Variants in RAD18 observed in about 807,000 individuals in gnomAD.
The protein encoded by RAD18 is E3 ubiquitin-protein ligase RAD18.
RAD18 carries 47 observed loss-of-function variants against 60.4 expected under a neutral mutation model. The ratio of observed to expected loss-of-function variants is 0.78; its 90% CI spans 0.62 to 0.99. The LOEUF (loss-of-function observed/expected upper bound fraction) is 0.99. RAD18 is among the 50% of genes least tolerant of loss of function. The pLI is 0.00. For synonymous variants in RAD18, 225 were observed against 195.5 expected (o/e 1.15, Z -1.26); for missense variants, 640 against 593.3 (o/e 1.08, Z -0.82).
chr3:8,961,055 G>C (rs529245443), intron 1 of RAD18, among the ~76,000 whole-genome samples: 2 of 152,162 alleles, frequency 1.3e-5, no homozygotes, highest in Non-Finnish European at 2.9e-5. Flanking sequence ...GCAGAGGCAG[G>C]CCCAGAAGCC....
At chr3:8,913,574 G>C (rs1319527506) in intron 8 of RAD18, 70 bp downstream of exon 8, 3 of 1,089,470 alleles carry the variant, frequency 2.8e-6, no homozygotes, top group Non-Finnish European at 3.8e-6. Context: ...ATAATGGCTT[G>C]CTTTAATTTT....
chr3:8,908,235 TC>T (rs1321253689), intron 9 of RAD18, among the ~76,000 whole-genome samples: 1 of 151,678 alleles, frequency 6.6e-6, no homozygotes, highest in African/African-American at 2.4e-5. Context: ...AAGAGGCTCT[TC>T]CCCCAGGCCC....
At chr3:8,939,399 G>A (rs1320703603) in intron 6 of RAD18, among the ~76,000 whole-genome samples, 155 bp downstream of exon 6, 3 of 152,148 alleles carry the variant, frequency 2.0e-5, no homozygotes, top group Non-Finnish European at 2.9e-5. Flanking sequence ...ACAGAGGAGA[G>A]GGATTGGAAG....
At chr3:8,932,201 ACT>A (rs1312290728) in intron 7 of RAD18, among the ~76,000 whole-genome samples, 1 of 152,180 alleles carries the variant, frequency 6.6e-6, no homozygotes. Flanking sequence ...CAAAATTAAA[ACT>A]CTCTGCTCTT....
intron 4 of RAD18, among the ~76,000 whole-genome samples, chr3:8,945,750 G>A (rs45552038): frequency 1.1e-4 from 17 of 152,018 alleles, no homozygotes; most frequent in African/African-American, 2.9e-4. Context: ...GATTACAGGC[G>A]TCAGCCACCA....
intron 9 of RAD18, among the ~76,000 whole-genome samples, chr3:8,903,843 A>T (rs1939956804): frequency 6.6e-6 from 1 of 152,202 alleles, no homozygotes; most frequent in Admixed American, 6.5e-5. Flanking sequence ...TCAACAATGT[A>T]CTTGTTATCA....
rs1364223999 is a variant in RAD18 at position 8,880,936 on chromosome 3, A to T, written c.*421T>A. 2 of 163,566 alleles carry T rather than the reference A, an allele frequency of 1.2e-5. No individual in the cohort carries two copies. Among genetic ancestry groups the T allele is most frequent in the African/African-American group, 4.8e-5 (2 of 41,500 alleles). The allele number at this position is 163,566 out of a possible 1,614,324, so 10.1% of individuals were successfully genotyped here. On this transcript the variant is annotated 3_prime_UTR_variant, in exon 13 of 13. Transcript: ENST00000264926. Reference sequence around the variant, plus strand: ...CCGCCTTTCCAAAAACAAACATTTAACTCAACTGTTTCTTGCAATAAAGAA... The same window carrying T: ...CCGCCTTTCCAAAAACAAACATTTATCTCAACTGTTTCTTGCAATAAAGAA...
At chr3:8,941,880 T>C in intron 4 of RAD18, 76 bp from the exon 5 acceptor site, 1 of 1,347,584 alleles carries the variant, frequency 7.4e-7, no homozygotes, top group Non-Finnish European at 1.0e-6. Flanking sequence ...TAAGCTGTTT[T>C]CCCAATTAAC....
chr3:8,949,630 G>C (rs1260316318), intron 2 of RAD18, among the ~76,000 whole-genome samples: 1 of 152,096 alleles, frequency 6.6e-6, no homozygotes, highest in Non-Finnish European at 1.5e-5. Flanking sequence ...CAGCAGAAAA[G>C]CAGGGTCACA....
chr3:8,920,477 TTA>T (rs2125058446), intron 7 of RAD18, among the ~76,000 whole-genome samples: 1 of 152,262 alleles, frequency 6.6e-6, no homozygotes, highest in Non-Finnish European at 1.5e-5. Context: ...GGGTGAAATC[TTA>T]ATGAGGTATA....
intron 1 of RAD18, among the ~76,000 whole-genome samples, chr3:8,962,518 T>A (rs370410410): frequency 6.6e-6 from 1 of 152,134 alleles, no homozygotes; most frequent in South Asian, 2.1e-4. Flanking sequence ...AATCCCCAAG[T>A]CTACAAAACT....
chr3:8,905,064 T>C (rs1219571698), intron 9 of RAD18, among the ~76,000 whole-genome samples: 1 of 152,206 alleles, frequency 6.6e-6, no homozygotes, highest in African/African-American at 2.4e-5. Context: ...ACTAGTAACA[T>C]TGTTCCCACT....
chr3:8,895,392 C>T (rs1939766389), intron 11 of RAD18, among the ~76,000 whole-genome samples: 1 of 152,166 alleles, frequency 6.6e-6, no homozygotes, highest in Non-Finnish European at 1.5e-5. Context: ...ACTTCACTTC[C>T]AACTTAGGAT....
At chr3:8,915,268 A>G (rs1480920717) in intron 7 of RAD18, among the ~76,000 whole-genome samples, 1 of 152,134 alleles carries the variant, frequency 6.6e-6, no homozygotes, top group Admixed American at 6.5e-5. Context: ...TGTCACTCTC[A>G]CCCTAATGAC....
chr3:8,951,273 C>T (rs1232898408), intron 2 of RAD18, among the ~76,000 whole-genome samples: 1 of 152,026 alleles, frequency 6.6e-6, no homozygotes, highest in Non-Finnish European at 1.5e-5. Context: ...GTAGTGGGGG[C>T]CTTACCTACA....
chr3:8,943,079 G>A (rs1283298426), intron 4 of RAD18, among the ~76,000 whole-genome samples: 3 of 151,576 alleles, frequency 2.0e-5, no homozygotes, highest in African/African-American at 7.3e-5. Flanking sequence ...GGCCTTGACA[G>A]AACAAAGATG....
chr3:8,938,404 A>AT (rs1940689182), intron 6 of RAD18, among the ~76,000 whole-genome samples: 1 of 152,224 alleles, frequency 6.6e-6, no homozygotes, highest in Admixed American at 6.5e-5. Context: ...ACAAAAAATA[A>AT]TACTATGGCT....
intron 1 of RAD18, among the ~76,000 whole-genome samples, chr3:8,963,074 T>C (rs1037613540): frequency 3.9e-5 from 6 of 152,186 alleles, no homozygotes; most frequent in Admixed American, 2.0e-4. Context: ...CTCCATGTTA[T>C]TGTTGGGATT....
At chr3:8,886,235 TTC>T (rs1939562696) in intron 12 of RAD18, among the ~76,000 whole-genome samples, 1 of 152,166 alleles carries the variant, frequency 6.6e-6, no homozygotes, top group Admixed American at 6.5e-5. Context: ...AAAAAATCTG[TTC>T]TGTCAGTCCT....
Sources: allele counts gnomAD v4.1 joint callset (sites outside exome capture counted in the v4.1 genomes callset), GRCh38; gene constraint gnomAD v4.1.1; transcripts MANE v1.5; gene names NCBI Gene and HGNC (gene_info 2026-07-23, HGNC 2026-07-21).